Variants in PELI2 observed in about 807,000 individuals in gnomAD.
PELI2 encodes pellino E3 ubiquitin protein ligase family member 2, also known as E3 ubiquitin-protein ligase pellino homolog 2.
PELI2 carries 23 observed loss-of-function variants against 42.3 expected under a neutral mutation model. The observed-to-expected ratio is 0.54, with a 90% CI of 0.39 to 0.77. PELI2 has a LOEUF of 0.77. Ranked by LOEUF, PELI2 falls within the 30% of genes least tolerant of loss-of-function variation. The probability of loss-of-function intolerance (pLI) is 0.00; values close to 1 mark genes in which losing one functional copy is unlikely to be tolerated. For synonymous variants in PELI2, 245 were observed against 212.2 expected, an observed-to-expected ratio of 1.15 and a Z score of -1.34; for missense variants, 463 against 553.2, an observed-to-expected ratio of 0.84 and a Z score of 1.64.
rs141035778 is a variant in PELI2, at chr14:56,295,938, T to C, written c.697-662T>C. ...TCCAAGGCTTAGCATGCATCTGGCA[T>C]GTGGAGGCAGCGGTCACGTTCTTGC... On this transcript the variant is annotated intron_variant, in intron 5 of 5. Transcript: ENST00000267460. 8.5e-3 allele frequency among the ~76,000 whole-genome samples: 1,296 copies of C among 152,356 alleles called. 24 individuals are homozygous for C. Among genetic ancestry groups the C allele is most frequent in the African/African-American group, 0.03 (1,241 of 41,582 alleles).
chr14:56,127,936 T>C (rs112223003), intron 1 of PELI2, among the ~76,000 whole-genome samples: 3 of 152,336 alleles, frequency 2.0e-5, no homozygotes, highest in Admixed American at 6.5e-5. Context: ...TTTGTTGTTT[T>C]TAAAGCTTAA....
chr14:56,286,729 GT>G (rs1354768447), intron 3 of PELI2, among the ~76,000 whole-genome samples: 3 of 152,050 alleles, frequency 2.0e-5, no homozygotes, highest in East Asian at 1.9e-4. Flanking sequence ...ACTTAGTTTT[GT>G]TTTTTTGTTG....
At chr14:56,220,629 A>T (rs1887092244) in intron 2 of PELI2, among the ~76,000 whole-genome samples, 1 of 152,198 alleles carries the variant, frequency 6.6e-6, no homozygotes, top group African/African-American at 2.4e-5. Context: ...TTAAGAGTAT[A>T]ACAATGAAAA....
chr14:56,119,701 G>T, intron 1 of PELI2: 1 of 898,870 alleles, frequency 1.1e-6, no homozygotes, highest in African/African-American at 1.8e-5. Flanking sequence ...AGTGAAAGGG[G>T]AGGGGGAAGG....
chr14:56,237,361 C>T (rs889735257), intron 2 of PELI2, among the ~76,000 whole-genome samples: 21 of 152,152 alleles, frequency 1.4e-4, no homozygotes, highest in South Asian at 4.1e-4. Flanking sequence ...ATGGCAGAAA[C>T]GCATCCACAC....
At chr14:56,187,845 G>A (rs1029126576) in intron 2 of PELI2, among the ~76,000 whole-genome samples, 3 of 152,196 alleles carry the variant, frequency 2.0e-5, no homozygotes, top group African/African-American at 7.2e-5. Context: ...CAGATAGGCA[G>A]CTCCCTTCTG....
At position 56,288,734 on chromosome 14, in the gene PELI2, C is replaced by A; in HGVS notation, c.507+100C>A. On this transcript the variant is annotated intron_variant, in intron 4 of 5. Transcript: ENST00000267460. The surrounding 1 kb of genome is among the most constrained non-coding windows in gnomAD (Gnocchi z 4.6). The stretch of plus-strand genomic sequence containing the variant: ...AAAAAAAATTGGCTTTGTATGTTGC[C>A]TCTAGTGAGATTTTGAGATTTTAGT... 1.2e-6 allele frequency: 1 copy of A among 833,490 alleles called. No homozygotes were observed. The highest frequency in any genetic ancestry group is 1.9e-6 in the Non-Finnish European group (1 of 522,404). The allele number at this position is 833,490 out of a possible 1,614,324, so 51.6% of individuals were successfully genotyped here.
intron 1 of PELI2, among the ~76,000 whole-genome samples, chr14:56,168,442 C>G (rs1460308490): frequency 6.6e-6 from 1 of 152,180 alleles, no homozygotes; most frequent in African/African-American, 2.4e-5. Context: ...AGCCTTACCC[C>G]TTAGCCACTG....
At chr14:56,194,407 A>G (rs1395315516) in intron 2 of PELI2, among the ~76,000 whole-genome samples, 3 of 152,158 alleles carry the variant, frequency 2.0e-5, no homozygotes, top group African/African-American at 7.2e-5. Flanking sequence ...TCTTTCCTTA[A>G]TACCAGGCCC....
chr14:56,154,308 T>A (rs932173866), intron 1 of PELI2, among the ~76,000 whole-genome samples: 4 of 152,232 alleles, frequency 2.6e-5, no homozygotes, highest in Admixed American at 2.6e-4. Context: ...TATTTGAACA[T>A]TGATGTGGTT....
chr14:56,240,780 G>A (rs79778115), intron 2 of PELI2, among the ~76,000 whole-genome samples: 3,598 of 152,244 alleles, frequency 0.024, 139 homozygotes, highest in African/African-American at 0.082. Context: ...GGTCCCCAAG[G>A]CAGAGTAGCT....
At chr14:56,295,542 A>G (rs1889971455) in intron 5 of PELI2, among the ~76,000 whole-genome samples, 1 of 152,158 alleles carries the variant, frequency 6.6e-6, no homozygotes, top group Admixed American at 6.5e-5. Flanking sequence ...CCTTTTAGAA[A>G]CCATTTCTGA....
At chr14:56,291,932 A>G (rs1024679909) in intron 5 of PELI2, among the ~76,000 whole-genome samples, 3 of 152,026 alleles carry the variant, frequency 2.0e-5, no homozygotes, top group African/African-American at 4.8e-5. Flanking sequence ...ACTCAGTACC[A>G]TGTTGTGGGG....
At chr14:56,243,639 A>T (rs887538005) in intron 2 of PELI2, among the ~76,000 whole-genome samples, 1 of 152,162 alleles carries the variant, frequency 6.6e-6, no homozygotes, top group African/African-American at 2.4e-5. Flanking sequence ...TAACCTTTGC[A>T]TTTTTGGGTC....
At chr14:56,130,446 G>A (rs201048351) in intron 1 of PELI2, among the ~76,000 whole-genome samples, 6 of 62,504 alleles carry the variant, frequency 9.6e-5, no homozygotes, top group Non-Finnish European at 2.4e-4. Context: ...TTTTTATTTT[G>A]TTTTTTTTTA....
intron 3 of PELI2, among the ~76,000 whole-genome samples, chr14:56,283,492 T>C (rs915142559): frequency 1.3e-4 from 20 of 152,188 alleles, no homozygotes; most frequent in African/African-American, 4.8e-4. Flanking sequence ...TTAACGTCTT[T>C]GTATTATTAT....
intron 2 of PELI2, among the ~76,000 whole-genome samples, chr14:56,253,946 A>G (rs1268151053): frequency 6.6e-6 from 1 of 152,240 alleles, no homozygotes; most frequent in African/African-American, 2.4e-5. Context: ...TTCAAACTAT[A>G]CTACAAGGCT....
rs1888275682 is a variant in PELI2, at chr14:56,249,624, C to G, written c.208-30052C>G. ...TACTGAGCATGCTCCAGGTGTGTCT[C>G]ATGAACAAGGAAGGGCTTGTGTTCC... On this transcript the variant is annotated intron_variant, in intron 2 of 5. Coordinates refer to ENST00000267460, the MANE Select transcript of PELI2 (RefSeq NM_021255.3). Among the ~76,000 whole-genome samples, 3 of 152,152 alleles carry G rather than the reference C, an allele frequency of 2.0e-5. 1 individual carries two copies. The South Asian group carries it at 6.2e-4, about 32-fold the overall frequency.
intron 5 of PELI2, among the ~76,000 whole-genome samples, chr14:56,292,210 C>T (rs1397796663): frequency 1.3e-5 from 2 of 152,138 alleles, no homozygotes; most frequent in African/African-American, 4.8e-5. Context: ...TCCCTATAAG[C>T]GACACTGAGA....
Sources: gnomAD v4.1 joint callset for allele counts (sites outside exome capture counted in the v4.1 genomes callset) on GRCh38, gnomAD v4.1.1 for gene constraint, Gnocchi (gnomAD v3.1) non-coding constraint, MANE v1.5 for transcripts, NCBI Gene and HGNC (gene_info 2026-07-23, HGNC 2026-07-21) for gene names.